PARP1: variants seen among roughly 807,000 people sequenced by gnomAD.
PARP1 encodes the protein poly(ADP-ribose) polymerase 1.
PARP1 carries 44 observed loss-of-function variants against 118.7 expected under a neutral mutation model. That is an observed-to-expected ratio of 0.37 (90% CI 0.29 to 0.48). PARP1 has a LOEUF of 0.48. Ranked by LOEUF, PARP1 falls within the 20% of genes least tolerant of loss-of-function variation. The pLI is 0.99. For missense variants in PARP1, 1,100 were observed against 1,272.4 expected (o/e 0.86, Z 2.06); for synonymous variants, 492 against 483.2 (o/e 1.02, Z -0.24).
chr1:226,393,936 C>T (rs555180876), intron 2 of PARP1, among the ~76,000 whole-genome samples: 1 of 152,110 alleles, frequency 6.6e-6, no homozygotes, highest in Non-Finnish European at 1.5e-5. Flanking sequence ...AAAGATGAAA[C>T]TTTAATGAGG....
chr1:226,364,127 T>A, intron 19 of PARP1, 57 bp from the exon 20 acceptor site: 1 of 1,594,656 alleles, frequency 6.3e-7, no homozygotes, highest in Non-Finnish European at 8.6e-7. Flanking sequence ...TAGGAGCAGC[T>A]GTTCACTGAG....
chr1:226,367,346 A>G, intron 17 of PARP1, 134 bp downstream of exon 17: 1 of 1,108,038 alleles, frequency 9.0e-7, no homozygotes, highest in South Asian at 1.2e-5. Flanking sequence ...AACTTGTTAG[A>G]AAAGTGAATT....
intron 9 of PARP1, 67 bp downstream of exon 9, chr1:226,381,001 T>C (rs1664593350): frequency 1.9e-6 from 3 of 1,570,570 alleles, no homozygotes; most frequent in Non-Finnish European, 2.6e-6. Flanking sequence ...CTTCCTCACT[T>C]ACTCGTCATC....
At chr1:226,380,752 C>T (rs1247054420) in intron 9 of PARP1, among the ~76,000 whole-genome samples, 1 of 152,168 alleles carries the variant, frequency 6.6e-6, no homozygotes, top group African/African-American at 2.4e-5. Context: ...CTCCAATGAA[C>T]ATTTCCTTTG....
In PARP1 at chr1:226,362,046, A is replaced by G. The variant is rs750465212; in HGVS notation, c.2886T>C (p.Ile962=). The change falls in exon 22 of 23, where the codon ATT becomes ATC. Residue 962 remains isoleucine, a synonymous_variant. Coordinates refer to ENST00000366794, the MANE Select transcript of PARP1 (RefSeq NM_001618.4). ...GAGGAACGTCTACACCATCCAGACT[A>G]ATGTTAGCTGAAGGATCAGGGGTAG... ...GKTTPDPSAN[I]SLDGVDVPLG... is the part of the protein sequence containing the mutation. 9.3e-6 allele frequency: 15 copies of G among 1,613,846 alleles called. No individual in the cohort carries two copies. The highest frequency in any genetic ancestry group is 1.7e-4 in the Middle Eastern group (1 of 6,058).
chr1:226,373,276 GAT>G (rs1664426059), intron 14 of PARP1, among the ~76,000 whole-genome samples: 1 of 152,192 alleles, frequency 6.6e-6, no homozygotes. Flanking sequence ...GCTTAAGGCT[GAT>G]CTGAGACTCT....
At chr1:226,386,214 A>C in intron 6 of PARP1, 112 bp downstream of exon 6, 8 of 749,874 alleles carry the variant, frequency 1.1e-5, no homozygotes, top group African/African-American at 3.4e-5. Context: ...CCTTGCAATT[A>C]ATACCAGCAG....
At chr1:226,364,248 G>T (rs1027225419) in intron 19 of PARP1, 178 bp from the exon 20 acceptor site, 1 of 630,910 alleles carries the variant, frequency 1.6e-6, no homozygotes. Flanking sequence ...CAGGCTGTCA[G>T]ATCCTAGCTC....
intron 4 of PARP1, 144 bp from the exon 5 acceptor site, chr1:226,388,899 C>T: frequency 1.4e-6 from 1 of 731,264 alleles, no homozygotes; most frequent in Non-Finnish European, 2.5e-6. Context: ...ACCCCTGCCC[C>T]ACTCAGTGCC....
chr1:226,362,354 T>A (rs1264935517), intron 21 of PARP1: 1 of 417,360 alleles, frequency 2.4e-6, no homozygotes, highest in African/African-American at 2.0e-5. Context: ...CCCAGCTAAT[T>A]TTCTGTATTT....
At chr1:226,366,166 G>C in intron 17 of PARP1, 114 bp from the exon 18 acceptor site, 1 of 751,536 alleles carries the variant, frequency 1.3e-6, no homozygotes, top group Non-Finnish European at 2.4e-6. Flanking sequence ...AAAGGAAGCC[G>C]GGCATGACCG....
chr1:226,370,620 T>TCA, intron 14 of PARP1, 103 bp from the exon 15 acceptor site: 1 of 888,444 alleles, frequency 1.1e-6, no homozygotes, highest in Non-Finnish European at 1.9e-6. Flanking sequence ...ACAGGAGCAG[T>TCA]CAGGAGCCTG....
rs760738365 is a variant in PARP1, at chr1:226,370,985, A to G, written c.2071-468T>C. 1.4e-5 allele frequency: 3 copies of G among 219,828 alleles called. 1 individual carries two copies. Among genetic ancestry groups the G allele is most frequent in the Non-Finnish European group, 2.8e-5 (3 of 107,384 alleles). 13.6% of individuals were successfully genotyped at this position (219,828 alleles called of 1,614,324 possible). On this transcript the variant is annotated intron_variant, in intron 14 of 22. Transcript: ENST00000366794. ...TTCAAGTGTTGAACACTATTTTTAA[A>G]AAGGACACACTCCTGAACTTATGGA...
rs973788144 is a variant in PARP1 at position 226,408,052 on chromosome 1, G to C, written c.-123C>G. The C allele has an allele frequency of 1.0e-5, 14 of 1,405,654 alleles. No homozygotes were observed. In the African/African-American group the frequency reaches 1.6e-4, roughly 16 times the overall value. 87.1% of individuals were successfully genotyped at this position (1,405,654 alleles called of 1,614,324 possible). A position where few individuals can be genotyped will look rare whatever the true frequency, so the allele number is the denominator to read the frequency against. On this transcript the variant is annotated 5_prime_UTR_variant, in exon 1 of 23. Coordinates refer to ENST00000366794, the MANE Select transcript of PARP1 (RefSeq NM_001618.4). ...CGCCTGAGCGGCCAGAGCCGCCACC[G>C]AACACGCCGCACCGGCCACCGCCGT...
chr1:226,380,970 T>C, intron 9 of PARP1, 98 bp downstream of exon 9: 1 of 1,387,760 alleles, frequency 7.2e-7, no homozygotes, highest in Non-Finnish European at 1.0e-6. Flanking sequence ...AAGATCCAGT[T>C]TTTCAGCGCT....
At chr1:226,378,578 A>T (rs1664538848) in intron 12 of PARP1, among the ~76,000 whole-genome samples, 1 of 152,194 alleles carries the variant, frequency 6.6e-6, no homozygotes, top group Non-Finnish European at 1.5e-5. Context: ...CTGGGTGCAG[A>T]GGCTCATGCC....
At position 226,363,924 on chromosome 1, in the gene PARP1, C is replaced by G. The variant is rs369134464; in HGVS notation, c.2786+19G>C. 35 of 1,613,094 alleles carry G rather than the reference C, an allele frequency of 2.2e-5. No homozygotes were observed. The African/African-American group carries it at 4.3e-4, about 20-fold the overall frequency. ...TGTCCCCATGAAATGCCATCAGTCCCAGAGCCAGGTTTACTCACATGTTTC... is the reference window on the plus strand; with the variant it reads ...TGTCCCCATGAAATGCCATCAGTCCGAGAGCCAGGTTTACTCACATGTTTC... On this transcript the variant is annotated intron_variant, in intron 20 of 22. Coordinates refer to ENST00000366794, the MANE Select transcript of PARP1 (RefSeq NM_001618.4).
intron 5 of PARP1, among the ~76,000 whole-genome samples, chr1:226,386,759 G>A (rs1443083337): frequency 6.6e-6 from 1 of 152,208 alleles, no homozygotes; most frequent in Non-Finnish European, 1.5e-5. Flanking sequence ...GTAAGAGCCT[G>A]GAGGTGCTAG....
rs558342937 is a variant in PARP1 at position 226,389,971 on chromosome 1, C to T, written c.617+439G>A. ...ACCCTTATCATTCTCAACTCTAAGC[C>T]AGGAAAATTATCCACTGCCCATCCC... On this transcript the variant is annotated intron_variant, in intron 4 of 22. Coordinates refer to ENST00000366794, the MANE Select transcript of PARP1 (RefSeq NM_001618.4). Among the ~76,000 whole-genome samples, 7 of 152,260 alleles carry T rather than the reference C, an allele frequency of 4.6e-5. No homozygotes were observed. The South Asian group carries it at 1.5e-3, about 32-fold the overall frequency.
Sources: allele counts gnomAD v4.1 joint callset (sites outside exome capture counted in the v4.1 genomes callset), GRCh38; gene constraint gnomAD v4.1.1; transcripts MANE v1.5; gene names NCBI Gene and HGNC (gene_info 2026-07-23, HGNC 2026-07-21).